NUP210: variants seen among roughly 807,000 people sequenced by gnomAD.
NUP210 encodes nucleoporin 210, also known as nuclear pore membrane glycoprotein 210.
NUP210 carries 151 observed loss-of-function variants against 196.0 expected under a neutral mutation model. The observed-to-expected ratio is 0.77, with a 90% CI of 0.67 to 0.88. The LOEUF is 0.88. Among genes scored for constraint, NUP210 ranks in the 40% least tolerant of loss-of-function variants. The pLI is 0.00. For synonymous variants in NUP210, 1,070 were observed against 1,052.7 expected, an observed-to-expected ratio of 1.02 and a Z score of -0.32; for missense variants, 2,314 against 2,493.7, an observed-to-expected ratio of 0.93 and a Z score of 1.53.
intron 28 of NUP210, among the ~76,000 whole-genome samples, chr3:13,334,775 T>TA (rs1697140103): frequency 6.6e-6 from 1 of 152,160 alleles, no homozygotes; most frequent in Non-Finnish European, 1.5e-5. Flanking sequence ...GCCCATCCTA[T>TA]AAGTAGCAGG....
chr3:13,409,585 G>C lies in NUP210; in HGVS notation c.168-9724C>G, dbSNP rs546399987. Among the ~76,000 whole-genome samples the C allele has an allele frequency of 1.6e-4, 24 of 152,214 alleles. No individual in the cohort carries two copies. In the South Asian group the frequency reaches 5.0e-3, roughly 32 times the overall value. ...AACAATCCTATTAAAACCCCCATTT[G>C]ATACATGAGGAATCCTTTGCATGGA... On this transcript the variant is annotated intron_variant, in intron 1 of 39. Coordinates refer to ENST00000254508, the MANE Select transcript of NUP210 (RefSeq NM_024923.4).
At chr3:13,322,752 G>A (rs1014923888) in intron 34 of NUP210, among the ~76,000 whole-genome samples, 2 of 152,226 alleles carry the variant, frequency 1.3e-5, no homozygotes, top group East Asian at 3.8e-4. Context: ...GTCCACTTGC[G>A]CTGAGGAAGG....
In NUP210 at chr3:13,335,598, G is replaced by A. The variant is rs1348533830; in HGVS notation, c.3699C>T (p.Leu1233=). Residue 1233 remains leucine (L), a synonymous_variant, in exon 28 of 40, where the codon CTC becomes CTT. Transcript: ENST00000254508. ...TCATGGCAAAGTTGTACTGTGACGG[G>A]AGTCGGATCGACGCCTGGGAAGACA... ...RGRHHEASIR[L]PSQYNFAMNV... 1.2e-6 allele frequency: 2 copies of A among 1,614,056 alleles called. No homozygotes were observed. The highest frequency in any genetic ancestry group is 1.1e-5 in the South Asian group (1 of 91,080).
At position 13,377,549 on chromosome 3, in the gene NUP210, G is replaced by A. The variant is rs767412151; in HGVS notation, c.1059C>T (p.His353=). 14 of 1,613,172 alleles carry A rather than the reference G, an allele frequency of 8.7e-6. No individual in the cohort carries two copies. The highest frequency in any genetic ancestry group is 8.5e-7 in the Non-Finnish European group (1 of 1,179,456). The stretch of plus-strand genomic sequence containing the variant: ...TCTCCAGCACCCACCTGTCACCAGG[G>A]TGAACAGTGAACCCTAAAACAGGCA... ...VEPGYLGFTV[H]PGDRWVLETG... Residue 353 remains histidine (H), a synonymous_variant, in exon 9 of 40, where the codon CAC becomes CAT. Coordinates refer to ENST00000254508, the MANE Select transcript of NUP210 (RefSeq NM_024923.4).
intron 37 of NUP210, 31 bp from the exon 38 acceptor site, chr3:13,319,356 A>G: frequency 6.4e-7 from 1 of 1,560,062 alleles, no homozygotes; most frequent in Non-Finnish European, 8.8e-7. Flanking sequence ...AGTTACCAAA[A>G]CCACCAGGCC....
At chr3:13,322,717 A>T (rs1399123672) in intron 34 of NUP210, among the ~76,000 whole-genome samples, 2 of 152,242 alleles carry the variant, frequency 1.3e-5, no homozygotes, top group Non-Finnish European at 2.9e-5. Context: ...ACATCTGAGC[A>T]GCATTTAGGC....
At chr3:13,400,398 G>A (rs932218408) in intron 1 of NUP210, among the ~76,000 whole-genome samples, 3 of 152,192 alleles carry the variant, frequency 2.0e-5, no homozygotes, top group African/African-American at 7.2e-5. Context: ...CTGCGGAGCG[G>A]ATATTATAGC....
chr3:13,332,512 T>C (rs1697038779), intron 28 of NUP210, 128 bp from the exon 29 acceptor site: 1 of 704,104 alleles, frequency 1.4e-6, no homozygotes, highest in East Asian at 2.6e-5. Flanking sequence ...TTCTCGTCTG[T>C]CAGGTCACTG....
In NUP210 at chr3:13,341,847, T is replaced by C. The variant is rs775800753; in HGVS notation, c.3129A>G (p.Thr1043=). 2.6e-5 allele frequency: 42 copies of C among 1,614,018 alleles called. No individual in the cohort carries two copies. Among genetic ancestry groups the C allele is most frequent in the South Asian group, 1.6e-4 (15 of 91,084 alleles). Residue 1043 remains threonine, a synonymous_variant, in exon 23 of 40, where the codon ACA becomes ACG. Coordinates refer to ENST00000254508, the MANE Select transcript of NUP210 (RefSeq NM_024923.4). ...LDEALDNYTI[T]FLIRGVAIGQ... is the part of the protein sequence containing the mutation. Reference sequence around the variant, plus strand: ...CGATGGCCACACCGCGGATGAGGAATGTGATGGTGTAGTTGTCAAGGGCTT... The same window carrying C: ...CGATGGCCACACCGCGGATGAGGAACGTGATGGTGTAGTTGTCAAGGGCTT...
At chr3:13,331,536 T>C (rs1185462294) in intron 29 of NUP210, among the ~76,000 whole-genome samples, 1 of 152,168 alleles carries the variant, frequency 6.6e-6, no homozygotes, top group Non-Finnish European at 1.5e-5. Flanking sequence ...GACAGCACCC[T>C]TCTTTGGGCT....
rs768699678 is a variant in NUP210, at chr3:13,397,430, G to A, written c.363C>T (p.Ile121=). The A allele has an allele frequency of 5.0e-6, 8 of 1,613,054 alleles. No individual in the cohort carries two copies. The highest frequency in any genetic ancestry group is 1.1e-5 in the South Asian group (1 of 90,940). The change falls in exon 3 of 40, where the codon ATC becomes ATT. Residue 121 remains isoleucine, a synonymous_variant. Transcript: ENST00000254508. ...GGTAGAGCTCGCGGGTGGTGGAGAC[G>A]ATCTGGATGTCATGGATGAGGTCCA... The part of the protein sequence containing the change: ...AIVDLIHDIQ[I]VSTTRELYLE...
intron 27 of NUP210, among the ~76,000 whole-genome samples, chr3:13,335,987 T>A (rs1168441709): frequency 1.3e-5 from 2 of 152,222 alleles, no homozygotes; most frequent in African/African-American, 4.8e-5. Flanking sequence ...ACTATTCTGT[T>A]TGGGGATATC....
Position 13,353,608 on chromosome 3 carries a change from G to A in NUP210, c.2574C>T (p.Ala858=), listed in dbSNP as rs1352863580. 1.2e-6 allele frequency: 2 copies of A among 1,614,122 alleles called. No homozygotes were observed. Among genetic ancestry groups the A allele is most frequent in the South Asian group, 2.2e-5 (2 of 91,090 alleles). Residue 858 remains alanine (A), a synonymous_variant, in exon 18 of 40, where the codon GCC becomes GCT. Coordinates refer to ENST00000254508, the MANE Select transcript of NUP210 (RefSeq NM_024923.4). The part of the protein sequence containing the change: ...HEASGTTAIT[A]TATGYQESHL... ...GGGACTCCTGGTAGCCAGTGGCAGT[G>A]GCAGTGATGGCTGTGGTTCCTGATG...
In NUP210 at chr3:13,348,388, A is replaced by G. The variant is rs1280113914; in HGVS notation, c.2835+3491T>C. ...CCTCTGGTCACAAGTCCACCCTCAG[A>G]GCTTGCACAGAATGACAGGTGCAAG... On this transcript the variant is annotated intron_variant, in intron 20 of 39. Transcript: ENST00000254508. The surrounding 1 kb of genome is among the most constrained non-coding windows in gnomAD (Gnocchi z 4.0). 1 of 985,236 alleles carries G rather than the reference A, an allele frequency of 1.0e-6. No homozygotes were observed. Among genetic ancestry groups the G allele is most frequent in the Admixed American group, 6.1e-5 (1 of 16,268 alleles). The allele number at this position is 985,236 out of a possible 1,614,324, so 61.0% of individuals were successfully genotyped here. A position where few individuals can be genotyped will look rare whatever the true frequency, so the allele number is the denominator to read the frequency against.
chr3:13,365,236 C>CT (rs1698490470), intron 14 of NUP210, among the ~76,000 whole-genome samples: 1 of 152,264 alleles, frequency 6.6e-6, no homozygotes, highest in African/African-American at 2.4e-5. Flanking sequence ...TGAGCCTGCA[C>CT]TACCCCCTAG....
chr3:13,354,237 G>A, intron 16 of NUP210, 130 bp from the exon 17 acceptor site: 1 of 772,626 alleles, frequency 1.3e-6, no homozygotes, highest in South Asian at 1.8e-5. Flanking sequence ...AATGGGATAT[G>A]CCAGAAAGCA....
intron 21 of NUP210, 49 bp from the exon 22 acceptor site, chr3:13,342,172 C>T (rs1282574374): frequency 1.2e-6 from 2 of 1,609,582 alleles, no homozygotes; most frequent in Non-Finnish European, 1.7e-6. Flanking sequence ...AAGACCAATC[C>T]TACCATCTAT....
At chr3:13,378,826 T>A in intron 8 of NUP210, 86 bp downstream of exon 8, 3 of 1,001,910 alleles carry the variant, frequency 3.0e-6, no homozygotes, top group Non-Finnish European at 4.8e-6. Flanking sequence ...GCATTTTCTG[T>A]GGAGCTATTG....
chr3:13,420,169 C>T lies in NUP210; in HGVS notation c.58G>A (p.Gly20Ser). The change falls in exon 1 of 40, where the codon GGC becomes AGC. Residue 20 changes from glycine to serine, a missense_variant. Coordinates refer to ENST00000254508, the MANE Select transcript of NUP210 (RefSeq NM_024923.4). The surrounding 1 kb of genome is among the most constrained non-coding windows in gnomAD (Gnocchi z 4.8). Reference sequence around the variant, plus strand: ...AGCTTGGCCGCAGCGGCGGAGGGGCCCGCCGCCAACAGCACCGACAGCGTC... The same window carrying T: ...AGCTTGGCCGCAGCGGCGGAGGGGCTCGCCGCCAACAGCACCGACAGCGTC... ...LLTLSVLLAA[G>S]PSAAAAKLNI... The T allele has an allele frequency of 7.8e-7, 1 of 1,275,694 alleles. No individual in the cohort carries two copies. The highest frequency in any genetic ancestry group is 1.0e-6 in the Non-Finnish European group (1 of 993,838). The allele number at this position is 1,275,694 out of a possible 1,614,324, so 79.0% of individuals were successfully genotyped here.
Sources: allele counts gnomAD v4.1 joint callset (sites outside exome capture counted in the v4.1 genomes callset), GRCh38; gene constraint gnomAD v4.1.1; non-coding constraint Gnocchi (gnomAD v3.1); transcripts MANE v1.5; gene names NCBI Gene and HGNC (gene_info 2026-07-23, HGNC 2026-07-21).